KHDRBS3: variants seen among roughly 807,000 people sequenced by gnomAD.
KHDRBS3 encodes the protein KH domain-containing, RNA-binding, signal transduction-associated protein 3.
Under a neutral mutation model 45.6 loss-of-function variants are expected in KHDRBS3, and 23 were observed. The ratio of observed to expected loss-of-function variants is 0.50; its 90% CI spans 0.36 to 0.72. The LOEUF (loss-of-function observed/expected upper bound fraction) is 0.72, where lower values mean the gene tolerates loss of function less well. KHDRBS3 is among the 30% of genes least tolerant of loss of function. The probability of loss-of-function intolerance (pLI) is 0.00; values close to 1 mark genes in which losing one functional copy is unlikely to be tolerated. For synonymous variants in KHDRBS3, 162 were observed against 156.5 expected (o/e 1.04, Z -0.26); for missense variants, 352 against 424.8 (o/e 0.83, Z 1.51).
rs796791526 is a variant in KHDRBS3, at chr8:135,520,361, G to A, written c.89-876G>A. Among the ~76,000 whole-genome samples the A allele has an allele frequency of 3.9e-5, 6 of 152,200 alleles. 1 individual carries two copies. The highest frequency in any genetic ancestry group is 4.1e-4 in the South Asian group (2 of 4,822). The stretch of plus-strand genomic sequence containing the variant: ...GCAAGCACCTAATTTTGTATCTCTT[G>A]TGCAACCAAATACTATGGGCCATAG... On this transcript the variant is annotated intron_variant, in intron 1 of 8. Transcript: ENST00000355849.
intron 6 of KHDRBS3, among the ~76,000 whole-genome samples, chr8:135,601,193 A>G (rs893225133): frequency 3.3e-5 from 5 of 152,232 alleles, no homozygotes; most frequent in African/African-American, 1.2e-4. Context: ...CCAGCAATGT[A>G]ATGAACATCT....
intron 7 of KHDRBS3, among the ~76,000 whole-genome samples, chr8:135,635,330 A>G (rs905447111): frequency 6.6e-6 from 1 of 152,162 alleles, no homozygotes; most frequent in African/African-American, 2.4e-5. Flanking sequence ...ATAATAGACG[A>G]TATTCTTCTT....
intron 5 of KHDRBS3, among the ~76,000 whole-genome samples, chr8:135,559,555 G>T (rs1490179936): frequency 2.0e-5 from 3 of 151,972 alleles, no homozygotes; most frequent in African/African-American, 7.2e-5. Context: ...TAGAGACGGG[G>T]TTTCACCCTG....
chr8:135,560,716 T>G (rs546456731), intron 5 of KHDRBS3, among the ~76,000 whole-genome samples: 2 of 152,362 alleles, frequency 1.3e-5, no homozygotes, highest in South Asian at 4.1e-4. Flanking sequence ...TATGCATTGC[T>G]TGTCATTTAA....
chr8:135,652,162 T>TA (rs1413215238), downstream of KHDRBS3, among the ~76,000 whole-genome samples: 1 of 152,222 alleles, frequency 6.6e-6, no homozygotes, highest in African/African-American at 2.4e-5. Context: ...ATCATTATTT[T>TA]AAAATAACAG....
chr8:135,495,995 A>G (rs899636287), intron 1 of KHDRBS3, among the ~76,000 whole-genome samples: 1 of 151,882 alleles, frequency 6.6e-6, no homozygotes, highest in South Asian at 2.1e-4. Flanking sequence ...AATATGTGCT[A>G]CAGAGATATG....
intron 1 of KHDRBS3, among the ~76,000 whole-genome samples, chr8:135,477,084 T>A (rs1224254118): frequency 2.0e-5 from 3 of 152,194 alleles, no homozygotes; most frequent in Non-Finnish European, 4.4e-5. Flanking sequence ...CACATGCAAT[T>A]CCAGGATCTG....
chr8:135,500,606 A>G (rs1280784471), intron 1 of KHDRBS3, among the ~76,000 whole-genome samples: 2 of 152,202 alleles, frequency 1.3e-5, no homozygotes, highest in African/African-American at 2.4e-5. Flanking sequence ...TCCTAGAAGA[A>G]ATGAAAAATA....
At chr8:135,595,631 T>G (rs1347214676) in intron 6 of KHDRBS3, among the ~76,000 whole-genome samples, 1 of 152,228 alleles carries the variant, frequency 6.6e-6, no homozygotes, top group African/African-American at 2.4e-5. Flanking sequence ...CACTGTGAAT[T>G]ACATGTGCCT....
intron 4 of KHDRBS3, among the ~76,000 whole-genome samples, chr8:135,550,133 G>A (rs544783225): frequency 8.5e-5 from 13 of 152,134 alleles, no homozygotes; most frequent in Non-Finnish European, 1.9e-4. Context: ...GCTAAGGAGA[G>A]GAGTAAGTTT....
intron 7 of KHDRBS3, among the ~76,000 whole-genome samples, chr8:135,626,586 G>A (rs554038573): frequency 2.4e-4 from 36 of 152,126 alleles, no homozygotes; most frequent in Middle Eastern, 3.4e-3. Context: ...GGCGGATCAC[G>A]AGGTCAGGAG....
At chr8:135,564,524 G>T (rs1269669208) in intron 5 of KHDRBS3, among the ~76,000 whole-genome samples, 1 of 152,130 alleles carries the variant, frequency 6.6e-6, no homozygotes, top group East Asian at 1.9e-4. Flanking sequence ...GGTTTGGCCT[G>T]GGGCAAATAT....
At chr8:135,618,107 A>G (rs187641121) in intron 7 of KHDRBS3, among the ~76,000 whole-genome samples, 54 of 152,310 alleles carry the variant, frequency 3.5e-4, no homozygotes, top group Non-Finnish European at 6.2e-4. Context: ...TCATGAAGGG[A>G]TATGTTCCTT....
chr8:135,601,462 A>T (rs1326587432), intron 6 of KHDRBS3, among the ~76,000 whole-genome samples: 1 of 152,210 alleles, frequency 6.6e-6, no homozygotes, highest in African/African-American at 2.4e-5. Context: ...TGAAAAATTC[A>T]CTAGACAGAG....
intron 7 of KHDRBS3, among the ~76,000 whole-genome samples, chr8:135,638,616 A>T (rs1220629618): frequency 6.6e-6 from 1 of 152,224 alleles, no homozygotes; most frequent in African/African-American, 2.4e-5. Flanking sequence ...CATAGCGTTC[A>T]TAAAGTCCAA....
intron 7 of KHDRBS3, among the ~76,000 whole-genome samples, chr8:135,617,741 A>C (rs1354318936): frequency 1.3e-5 from 2 of 152,212 alleles, no homozygotes; most frequent in East Asian, 3.8e-4. Context: ...TGTTATTATG[A>C]GTTTAAGTAT....
chr8:135,590,150 A>T (rs1828681142), intron 6 of KHDRBS3, among the ~76,000 whole-genome samples: 1 of 152,204 alleles, frequency 6.6e-6, no homozygotes, highest in Non-Finnish European at 1.5e-5. Flanking sequence ...TTTAGGTAAC[A>T]AACCTGTACA....
At chr8:135,472,822 A>T (rs112084020) in intron 1 of KHDRBS3, among the ~76,000 whole-genome samples, 3 of 152,106 alleles carry the variant, frequency 2.0e-5, no homozygotes, top group East Asian at 1.9e-4. Flanking sequence ...CATTGCCCTG[A>T]CTTTGAAGTT....
chr8:135,620,393 C>T (rs535145711), intron 7 of KHDRBS3, among the ~76,000 whole-genome samples: 16 of 152,238 alleles, frequency 1.1e-4, no homozygotes, highest in African/African-American at 3.6e-4. Context: ...TGAGCTACCA[C>T]ACCCGGTAGC....
Sources: gnomAD v4.1 joint callset for allele counts (sites outside exome capture counted in the v4.1 genomes callset) on GRCh38, gnomAD v4.1.1 for gene constraint, MANE v1.5 for transcripts, NCBI Gene and HGNC (gene_info 2026-07-23, HGNC 2026-07-21) for gene names.